Variants in FSIP1 observed in about 807,000 individuals in gnomAD.
FSIP1 encodes fibrous sheath-interacting protein 1.
A neutral mutation model predicts 60.9 loss-of-function variants in FSIP1; 65 were observed. The ratio of observed to expected loss-of-function variants is 1.07; its 90% confidence interval spans 0.87 to 1.31. The LOEUF is 1.31. FSIP1 is among the 40% of genes most tolerant of loss of function. The pLI, the probability that FSIP1 is intolerant of heterozygous loss-of-function variation, is 0.00. For synonymous variants in FSIP1, 209 were observed against 221.2 expected (o/e 0.94, Z 0.49); for missense variants, 675 against 665.5 (o/e 1.01, Z -0.16).
At position 39,733,932 on chromosome 15, in the gene FSIP1, C is replaced by A. The variant is rs186128260; in HGVS notation, c.891+4159G>T. On this transcript the variant is annotated intron_variant, in intron 8 of 11. Coordinates refer to ENST00000350221, the MANE Select transcript of FSIP1 (RefSeq NM_152597.5). ...TTACTGTTTAAGCCACTGTTACTGG[C>A]AGCCAATCACATTCTCAACTGATAC... Among the ~76,000 whole-genome samples the A allele has an allele frequency of 1.5e-3, 235 of 152,246 alleles. 3 individuals are homozygous for A. Among genetic ancestry groups the A allele is most frequent in the Admixed American group, 0.015 (225 of 15,290 alleles).
chr15:39,718,879 G>A (rs1895850674), intron 9 of FSIP1, among the ~76,000 whole-genome samples: 1 of 152,168 alleles, frequency 6.6e-6, no homozygotes, highest in African/African-American at 2.4e-5. Context: ...TACACCCGAA[G>A]GTTGGATTCT....
At chr15:39,765,243 T>C in intron 4 of FSIP1, among the ~76,000 whole-genome samples, 1 of 114,276 alleles carries the variant, frequency 8.8e-6, no homozygotes, top group Admixed American at 1.2e-4. Flanking sequence ...AATTCTTTCT[T>C]TTTTTTTTTT....
chr15:39,710,441 G>GAA (rs397945950), intron 10 of FSIP1, among the ~76,000 whole-genome samples: 31 of 74,198 alleles, frequency 4.2e-4, no homozygotes, highest in African/African-American at 6.6e-4. Context: ...CTCTGTCTCA[G>GAA]AAAAAAAAAA....
chr15:39,693,512 C>T (rs1436119314), intron 10 of FSIP1, among the ~76,000 whole-genome samples: 2 of 152,196 alleles, frequency 1.3e-5, no homozygotes, highest in Non-Finnish European at 2.9e-5. Flanking sequence ...TGACCTGTCC[C>T]TATATCCAAT....
intron 1 of FSIP1, among the ~76,000 whole-genome samples, chr15:39,781,638 A>C (rs1333408738): frequency 2.0e-5 from 3 of 152,262 alleles, no homozygotes; most frequent in Non-Finnish European, 4.4e-5. Flanking sequence ...TTACTCAGCA[A>C]CATAAAGGAA....
At chr15:39,745,053 C>A (rs1249338785) in intron 5 of FSIP1, among the ~76,000 whole-genome samples, 1 of 151,954 alleles carries the variant, frequency 6.6e-6, no homozygotes, top group East Asian at 1.9e-4. Flanking sequence ...GGACAAGATA[C>A]GCCTCTGAGA....
chr15:39,666,119 C>T (rs1893484512), intron 10 of FSIP1, among the ~76,000 whole-genome samples: 1 of 152,144 alleles, frequency 6.6e-6, no homozygotes, highest in African/African-American at 2.4e-5. Context: ...CTGCGTTAAT[C>T]AACTATGTCG....
intron 10 of FSIP1, among the ~76,000 whole-genome samples, chr15:39,663,112 T>C (rs1893363491): frequency 6.6e-6 from 1 of 152,222 alleles, no homozygotes; most frequent in African/African-American, 2.4e-5. Flanking sequence ...AATCCCTTAC[T>C]GGTCTATTGT....
downstream of FSIP1, chr15:39,599,032 C>G (rs979028531): frequency 1.2e-4 from 18 of 152,106 alleles, no homozygotes; most frequent in African/African-American, 4.1e-4. Context: ...AGCAATTCTC[C>G]CTCCTGCCTC....
chr15:39,731,056 T>A (rs541629943), intron 8 of FSIP1, among the ~76,000 whole-genome samples: 1 of 152,324 alleles, frequency 6.6e-6, no homozygotes, highest in African/African-American at 2.4e-5. Flanking sequence ...AAAAAATTTA[T>A]TGTCACACTA....
intron 11 of FSIP1, among the ~76,000 whole-genome samples, chr15:39,603,810 G>T (rs947166509): frequency 6.6e-6 from 1 of 152,178 alleles, no homozygotes; most frequent in African/African-American, 2.4e-5. Flanking sequence ...ATTTATTTTT[G>T]ATAATCCTAA....
intron 11 of FSIP1, among the ~76,000 whole-genome samples, chr15:39,607,765 A>G (rs527270018): frequency 2.6e-4 from 40 of 152,342 alleles, no homozygotes; most frequent in Admixed American, 7.2e-4. Flanking sequence ...AGGAAAAGAC[A>G]ACTACGTATC....
At chr15:39,744,985 G>C (rs1478822171) in intron 5 of FSIP1, among the ~76,000 whole-genome samples, 1 of 151,848 alleles carries the variant, frequency 6.6e-6, no homozygotes, top group African/African-American at 2.4e-5. Flanking sequence ...AGGCTAAATG[G>C]GACCAGCTAC....
At chr15:39,692,163 C>A (rs1319532524) in intron 10 of FSIP1, among the ~76,000 whole-genome samples, 1 of 152,108 alleles carries the variant, frequency 6.6e-6, no homozygotes, top group Non-Finnish European at 1.5e-5. Flanking sequence ...AAGGAAAGAA[C>A]CCCCAGAGGG....
At chr15:39,666,830 A>G (rs1275322369) in intron 10 of FSIP1, among the ~76,000 whole-genome samples, 1 of 152,210 alleles carries the variant, frequency 6.6e-6, no homozygotes, top group East Asian at 1.9e-4. Flanking sequence ...TTCTAAGCAG[A>G]ATTCCAGACA....
At position 39,775,000 on chromosome 15, in the gene FSIP1, C is replaced by G. The variant is rs573321777; in HGVS notation, c.126+1399G>C. ...GAGGTCTTCTGTTGATTTTGAGGAA[C>G]TAAACTCTTTTTTGCAGTGGGGGAG... On this transcript the variant is annotated intron_variant, in intron 2 of 11. Coordinates refer to ENST00000350221, the MANE Select transcript of FSIP1 (RefSeq NM_152597.5). Among the ~76,000 whole-genome samples, 587 of 152,242 alleles carry G rather than the reference C, an allele frequency of 3.9e-3. 1 individual carries two copies. The highest frequency in any genetic ancestry group is 0.014 in the African/African-American group (573 of 41,540).
At chr15:39,614,036 C>A (rs1048825065) in intron 11 of FSIP1, among the ~76,000 whole-genome samples, 1 of 152,112 alleles carries the variant, frequency 6.6e-6, no homozygotes, top group African/African-American at 2.4e-5. Context: ...AGGATGCCCA[C>A]TCTCACCACT....
intron 10 of FSIP1, among the ~76,000 whole-genome samples, chr15:39,697,791 A>T (rs1392936098): frequency 1.3e-5 from 2 of 152,208 alleles, no homozygotes; most frequent in East Asian, 3.8e-4. Context: ...TATGGTTTCA[A>T]TAAATCTTTT....
intron 10 of FSIP1, among the ~76,000 whole-genome samples, chr15:39,698,838 A>G (rs571335011): frequency 6.6e-6 from 1 of 152,318 alleles, no homozygotes; most frequent in South Asian, 2.1e-4. Context: ...TACCTGCCCA[A>G]AAGTGGCCTA....
Sources: gnomAD v4.1 joint callset for allele counts (sites outside exome capture counted in the v4.1 genomes callset) on GRCh38, gnomAD v4.1.1 for gene constraint, MANE v1.5 for transcripts, NCBI Gene and HGNC (gene_info 2026-07-23, HGNC 2026-07-21) for gene names.